PRSS23: variants seen among roughly 807,000 people sequenced by gnomAD.
The protein encoded by PRSS23 is serine protease 23, also known as protease, serine 23.
In PRSS23, 25 loss-of-function variants were observed where a neutral mutation model predicts 34.7. That is an observed-to-expected ratio of 0.72 (90% CI 0.53 to 1.01). PRSS23 has a LOEUF of 1.01. Among genes scored for constraint, PRSS23 ranks in the 50% least tolerant of loss-of-function variants. The pLI, the probability that PRSS23 is intolerant of heterozygous loss-of-function variation, is 0.00. For missense variants in PRSS23, 445 were observed against 475.6 expected (o/e 0.94, Z 0.60); for synonymous variants, 176 against 186.6 (o/e 0.94, Z 0.46).
chr11:86,849,875 G>A (rs12785531), intron 2 of PRSS23, among the ~76,000 whole-genome samples: 10,430 of 152,106 alleles, frequency 0.069, 447 homozygotes, highest in East Asian at 0.16. Flanking sequence ...TAATTCTCTC[G>A]CTGCAGTAGT....
chr11:86,817,172 G>C (rs1463079664), intron 1 of PRSS23, among the ~76,000 whole-genome samples: 1 of 151,986 alleles, frequency 6.6e-6, no homozygotes, highest in Non-Finnish European at 1.5e-5. Context: ...CTAACTGTGG[G>C]CTTCTGTTTC....
chr11:86,902,366 T>C (rs936893586), intron 2 of PRSS23, among the ~76,000 whole-genome samples: 2 of 152,202 alleles, frequency 1.3e-5, no homozygotes, highest in South Asian at 2.1e-4. Context: ...TAGGCATTGG[T>C]ACTTAATTTT....
intron 2 of PRSS23, among the ~76,000 whole-genome samples, chr11:86,903,844 A>G (rs981348410): frequency 6.6e-5 from 10 of 152,210 alleles, no homozygotes; most frequent in Admixed American, 6.5e-4. Context: ...ACCCCTGGGT[A>G]AGTGACTTAT....
upstream of PRSS23, among the ~76,000 whole-genome samples, chr11:86,797,929 C>T (rs922134834): frequency 6.6e-6 from 1 of 152,160 alleles, no homozygotes; most frequent in Non-Finnish European, 1.5e-5. Context: ...TGGATTGGTA[C>T]CCCATAGTCA....
At chr11:86,915,494 G>A (rs1291812563) in intron 2 of PRSS23, among the ~76,000 whole-genome samples, 1 of 150,400 alleles carries the variant, frequency 6.6e-6, no homozygotes, top group Non-Finnish European at 1.5e-5. Context: ...AGAGGCCGGT[G>A]ATGTCACTCA....
At chr11:86,812,633 C>G (rs145225181), downstream of PRSS23, among the ~76,000 whole-genome samples, 711 of 151,822 alleles carry the variant, frequency 4.7e-3, 5 homozygotes, top group African/African-American at 0.016. Flanking sequence ...ACTAAAAATA[C>G]AAAAATTGGC....
At chr11:86,899,485 C>G (rs1193267670) in intron 2 of PRSS23, among the ~76,000 whole-genome samples, 5 of 150,478 alleles carry the variant, frequency 3.3e-5, no homozygotes, top group African/African-American at 9.7e-5. Flanking sequence ...TGCTACTGTA[C>G]TCCAGCCTGG....
At chr11:86,842,613 CA>C (rs1268768899) in intron 2 of PRSS23, among the ~76,000 whole-genome samples, 2 of 152,186 alleles carry the variant, frequency 1.3e-5, no homozygotes, top group African/African-American at 2.4e-5. Context: ...GCAAAAATGA[CA>C]AGCATTCCTA....
intron 2 of PRSS23, among the ~76,000 whole-genome samples, chr11:86,904,916 C>A (rs1948932564): frequency 6.6e-6 from 1 of 151,744 alleles, no homozygotes. Flanking sequence ...ATTAGCAGGG[C>A]CTGGTGGTGC....
chr11:86,945,394 T>C (rs1437029435), intron 2 of PRSS23, among the ~76,000 whole-genome samples: 1 of 149,810 alleles, frequency 6.7e-6, no homozygotes, highest in Non-Finnish European at 1.5e-5. Context: ...GTCATTGGGA[T>C]AACAACTTGA....
intron 2 of PRSS23, among the ~76,000 whole-genome samples, chr11:86,850,685 C>T (rs1948522531): frequency 6.6e-6 from 1 of 152,144 alleles, no homozygotes; most frequent in Non-Finnish European, 1.5e-5. Context: ...GTTAACTGCC[C>T]ATTTTTCTGT....
chr11:86,855,923 A>T (rs1433614771), intron 2 of PRSS23, among the ~76,000 whole-genome samples: 1 of 152,156 alleles, frequency 6.6e-6, no homozygotes, highest in Non-Finnish European at 1.5e-5. Flanking sequence ...AGTGGAGAGG[A>T]TTTTATTCAT....
Position 86,810,069 on chromosome 11 carries a change from T to C in PRSS23, c.*1274T>C, listed in dbSNP as rs1468513304. 1 of 166,336 alleles carries C rather than the reference T, an allele frequency of 6.0e-6. No individual in the cohort carries two copies. The highest frequency in any genetic ancestry group is 2.4e-5 in the African/African-American group (1 of 41,460). 10.3% of individuals were successfully genotyped at this position (166,336 alleles called of 1,614,324 possible). A position where few individuals can be genotyped will look rare whatever the true frequency, so the allele number is the denominator to read the frequency against. The stretch of plus-strand genomic sequence containing the variant: ...ATAGCAAAAATGAAAATTGGAAGAA[T>C]GCAAAATGGATCAGAATCATGCCTT... On this transcript the variant is annotated 3_prime_UTR_variant, in exon 2 of 2. Transcript: ENST00000280258.
chr11:86,941,231 C>G (rs1949205223), intron 2 of PRSS23, among the ~76,000 whole-genome samples: 1 of 152,110 alleles, frequency 6.6e-6, no homozygotes, highest in African/African-American at 2.4e-5. Flanking sequence ...AACTGTTTGC[C>G]CATTACACTG....
chr11:86,895,902 T>A (rs1948872099), intron 2 of PRSS23, among the ~76,000 whole-genome samples: 1 of 152,226 alleles, frequency 6.6e-6, no homozygotes, highest in Non-Finnish European at 1.5e-5. Flanking sequence ...CAAATGCATC[T>A]GATCAGTCCA....
At chr11:86,848,370 C>T (rs1190735750) in intron 2 of PRSS23, among the ~76,000 whole-genome samples, 1 of 152,168 alleles carries the variant, frequency 6.6e-6, no homozygotes, top group African/African-American at 2.4e-5. Context: ...GGAAAAATTG[C>T]CCACAGGGGA....
chr11:86,808,195 G>A lies in PRSS23; in HGVS notation c.552G>A (p.Val184=), dbSNP rs1201975903. Residue 184 remains valine, a synonymous_variant, in exon 2 of 2, where the codon GTG becomes GTA. Coordinates refer to ENST00000280258, the MANE Select transcript of PRSS23 (RefSeq NM_007173.6). ...AHCIHDGKTY[V]KGTQKLRVGF... ...GCATACACGATGGAAAAACCTATGT[G>A]AAAGGAACCCAGAAGCTTCGAGTGG... 2 of 1,614,120 alleles carry A rather than the reference G, an allele frequency of 1.2e-6. No homozygotes were observed. The highest frequency in any genetic ancestry group is 1.6e-4 in the Middle Eastern group (1 of 6,062).
At chr11:86,824,105 A>G (rs1003916967) in intron 2 of PRSS23, among the ~76,000 whole-genome samples, 2 of 151,264 alleles carry the variant, frequency 1.3e-5, no homozygotes, top group Non-Finnish European at 2.9e-5. Flanking sequence ...AAGAAGGGGA[A>G]TCATTCAGCC....
chr11:86,879,195 G>C (rs1333926832), intron 2 of PRSS23, among the ~76,000 whole-genome samples: 4 of 137,842 alleles, frequency 2.9e-5, no homozygotes, highest in African/African-American at 5.6e-5. Flanking sequence ...TCTGCCCGGC[G>C]GCCCATCATC....
Sources: allele counts gnomAD v4.1 joint callset (sites outside exome capture counted in the v4.1 genomes callset), GRCh38; gene constraint gnomAD v4.1.1; transcripts MANE v1.5; gene names NCBI Gene and HGNC (gene_info 2026-07-23, HGNC 2026-07-21).